Variants in VTI1A observed in about 807,000 individuals in gnomAD.
VTI1A encodes the protein vesicle transport through interaction with t-SNAREs 1A.
VTI1A carries 22 observed loss-of-function variants against 34.9 expected under a neutral mutation model. The ratio of observed to expected loss-of-function variants is 0.63; its 90% CI spans 0.45 to 0.90. The LOEUF is 0.90. VTI1A is among the 40% of genes least tolerant of loss of function. The pLI, the probability that VTI1A is intolerant of heterozygous loss-of-function variation, is 0.00. For synonymous variants in VTI1A, 87 were observed against 97.3 expected, an observed-to-expected ratio of 0.89 and a Z score of 0.62; for missense variants, 268 against 275.6, an observed-to-expected ratio of 0.97 and a Z score of 0.20.
chr10:112,661,621 G>A (rs944372343), intron 5 of VTI1A, among the ~76,000 whole-genome samples: 51 of 152,080 alleles, frequency 3.4e-4, no homozygotes, highest in Admixed American at 2.8e-3. Flanking sequence ...ATTGCTGGAC[G>A]TGGAATAATA....
At chr10:112,780,383 T>C (rs1431334883) in intron 7 of VTI1A, among the ~76,000 whole-genome samples, 1 of 152,068 alleles carries the variant, frequency 6.6e-6, no homozygotes, top group Admixed American at 6.5e-5. Context: ...AGCACCATGA[T>C]CTTGGTGGAA....
chr10:112,482,001 G>A (rs1174601689), intron 3 of VTI1A, among the ~76,000 whole-genome samples: 4 of 152,138 alleles, frequency 2.6e-5, no homozygotes, highest in Non-Finnish European at 2.9e-5. Context: ...AACATAACCC[G>A]TAACTTATGA....
chr10:112,650,733 T>G (rs2133800274), intron 5 of VTI1A, among the ~76,000 whole-genome samples: 1 of 152,354 alleles, frequency 6.6e-6, no homozygotes, highest in East Asian at 1.9e-4. Context: ...TATAATCTTT[T>G]GGGGCCACTG....
intron 5 of VTI1A, among the ~76,000 whole-genome samples, chr10:112,572,716 T>C (rs1852182606): frequency 1.3e-5 from 2 of 151,042 alleles, no homozygotes; most frequent in South Asian, 2.1e-4. Flanking sequence ...CGGGCGCCTG[T>C]AGTCCCAGCT....
At chr10:112,848,020 A>T in the VTI1A span, among the ~76,000 whole-genome samples, 1 of 152,192 alleles carries the variant, frequency 6.6e-6, no homozygotes, top group Non-Finnish European at 1.5e-5. Flanking sequence ...GAGAAAAAAA[A>T]TAATAAACTG....
intron 5 of VTI1A, among the ~76,000 whole-genome samples, chr10:112,553,705 A>G (rs1851446414): frequency 6.6e-6 from 1 of 152,248 alleles, no homozygotes; most frequent in Non-Finnish European, 1.5e-5. Flanking sequence ...TGGAGAAGGT[A>G]TACCCACTTT....
intron 5 of VTI1A, among the ~76,000 whole-genome samples, chr10:112,574,936 C>T (rs1852275417): frequency 6.6e-6 from 1 of 152,190 alleles, no homozygotes; most frequent in South Asian, 2.1e-4. Flanking sequence ...CTGATATTTG[C>T]ATTTTCTCCT....
intron 3 of VTI1A, among the ~76,000 whole-genome samples, chr10:112,512,519 T>C (rs1849647297): frequency 6.6e-6 from 1 of 152,212 alleles, no homozygotes; most frequent in Non-Finnish European, 1.5e-5. Flanking sequence ...TGTTGATTAT[T>C]TCTTTTGCTG....
At chr10:112,471,391 T>C (rs573216268) in intron 3 of VTI1A, among the ~76,000 whole-genome samples, 2 of 145,566 alleles carry the variant, frequency 1.4e-5, no homozygotes, top group Non-Finnish European at 3.0e-5. Context: ...TTTTTTTTGC[T>C]TCTTACAGCC....
intron 3 of VTI1A, among the ~76,000 whole-genome samples, chr10:112,482,795 A>G (rs1848497184): frequency 6.6e-6 from 1 of 152,224 alleles, no homozygotes; most frequent in South Asian, 2.1e-4. Flanking sequence ...CTATTTCTAC[A>G]AAATCTTTTT....
the VTI1A span, among the ~76,000 whole-genome samples, chr10:112,836,119 T>C: frequency 6.6e-6 from 1 of 152,346 alleles, no homozygotes. Context: ...CCCTGTCCTC[T>C]TCCCGGGTGA....
At chr10:112,668,395 T>A in intron 6 of VTI1A, 107 bp downstream of exon 6, 1 of 1,196,812 alleles carries the variant, frequency 8.4e-7, no homozygotes, top group Non-Finnish European at 1.2e-6. Flanking sequence ...GTGTGTAAGG[T>A]GAAAGAGGGT....
intron 3 of VTI1A, among the ~76,000 whole-genome samples, chr10:112,467,909 G>A (rs536026543): frequency 6.6e-6 from 1 of 152,322 alleles, no homozygotes; most frequent in Non-Finnish European, 1.5e-5. Context: ...ACAAGATAAA[G>A]TTCTACTTGT....
rs11195982 is a variant in VTI1A at position 112,513,791 on chromosome 10, T to C, written c.265-13296T>C. Among the ~76,000 whole-genome samples the C allele has an allele frequency of 7.9e-3, 1,197 of 152,164 alleles. 19 individuals are homozygous for C. The highest frequency in any genetic ancestry group is 0.028 in the African/African-American group (1,158 of 41,550). On this transcript the variant is annotated intron_variant, in intron 3 of 7. Transcript: ENST00000393077. ...GATGTTTTCTGTGCATTCATTGAGA[T>C]GATCATATTATTTTTATTCATTTTG...
At chr10:112,657,805 G>T (rs1343981574) in intron 5 of VTI1A, among the ~76,000 whole-genome samples, 6 of 144,836 alleles carry the variant, frequency 4.1e-5, no homozygotes, top group Admixed American at 6.6e-5. Context: ...ACACTATATT[G>T]TGTGTGTGTG....
At chr10:112,791,258 A>G (rs1224333420) in intron 7 of VTI1A, among the ~76,000 whole-genome samples, 6 of 152,220 alleles carry the variant, frequency 3.9e-5, no homozygotes, top group Admixed American at 3.9e-4. Context: ...ATCAGGCGCA[A>G]CAAAAGGTAC....
At chr10:112,854,932 G>A in the VTI1A span, among the ~76,000 whole-genome samples, 27 of 152,318 alleles carry the variant, frequency 1.8e-4, no homozygotes, top group African/African-American at 6.5e-4. Context: ...CAGTGAGGGA[G>A]GGGAAGGAGC....
At chr10:112,768,248 G>A in intron 7 of VTI1A, among the ~76,000 whole-genome samples, 1 of 152,188 alleles carries the variant, frequency 6.6e-6, no homozygotes, top group East Asian at 1.9e-4. Context: ...AGAGACACAA[G>A]GCTGACGAGA....
In VTI1A at chr10:112,816,639, C is replaced by G. The variant is rs1010189862; in HGVS notation, c.*1256C>G. ...TTGCCCAAGCTGAGGTCGTTTCCCC[C>G]CAGTCACAAAGCAGAATGTTTTTCT... On this transcript the variant is annotated 3_prime_UTR_variant, in exon 8 of 8. Coordinates refer to ENST00000393077, the MANE Select transcript of VTI1A (RefSeq NM_145206.4). 5 of 227,124 alleles carry G rather than the reference C, an allele frequency of 2.2e-5. No homozygotes were observed. The highest frequency in any genetic ancestry group is 1.1e-4 in the African/African-American group (5 of 45,040). 14.1% of individuals were successfully genotyped at this position (227,124 alleles called of 1,614,324 possible). A position where few individuals can be genotyped will look rare whatever the true frequency, so the allele number is the denominator to read the frequency against.
Sources: allele counts gnomAD v4.1 joint callset (sites outside exome capture counted in the v4.1 genomes callset), GRCh38; gene constraint gnomAD v4.1.1; transcripts MANE v1.5; gene names NCBI Gene and HGNC (gene_info 2026-07-23, HGNC 2026-07-21).